BAZ2B: variants seen among roughly 807,000 people sequenced by gnomAD.
The protein encoded by BAZ2B is bromodomain adjacent to zinc finger domain protein 2B.
A neutral mutation model predicts 246.0 loss-of-function variants in BAZ2B; 91 were observed. The ratio of observed to expected loss-of-function variants is 0.37; its 90% CI spans 0.31 to 0.44. The LOEUF (loss-of-function observed/expected upper bound fraction) is 0.44. Ranked by LOEUF, BAZ2B falls within the 20% of genes least tolerant of loss-of-function variation. BAZ2B has a pLI of 1.00. For missense variants in BAZ2B, 2,332 were observed against 2,533.7 expected, an observed-to-expected ratio of 0.92 and a Z score of 1.71; for synonymous variants, 855 against 860.0, an observed-to-expected ratio of 0.99 and a Z score of 0.10.
the BAZ2B span, among the ~76,000 whole-genome samples, chr2:159,705,008 TTTTGG>T: frequency 7.0e-6 from 1 of 143,854 alleles, no homozygotes; most frequent in Non-Finnish European, 1.5e-5. Context: ...GTCTGGCCTT[TTTTGG>T]TTTGTTTTTT....
intron 1 of BAZ2B, among the ~76,000 whole-genome samples, chr2:159,601,446 G>C (rs1344109157): frequency 1.3e-5 from 2 of 151,590 alleles, no homozygotes; most frequent in African/African-American, 4.8e-5. Context: ...AAAAAGGCTG[G>C]GTGCGGTGGC....
intron 1 of BAZ2B, among the ~76,000 whole-genome samples, chr2:159,607,561 T>TGAAAGCAATGGAG (rs57234306): frequency 0.92 from 140,196 of 151,866 alleles, 65,215 homozygotes; most frequent in East Asian, 1. Flanking sequence ...CAGTCAATTT[T>TGAAAGCAATGGAG]GAAAGGAAGG....
chr2:159,593,197 C>T (rs1227940451), intron 1 of BAZ2B, among the ~76,000 whole-genome samples: 3 of 152,172 alleles, frequency 2.0e-5, no homozygotes, highest in Non-Finnish European at 4.4e-5. Context: ...AGAGTATGTC[C>T]AAAATCTATA....
chr2:159,593,535 G>A (rs1689888310), intron 1 of BAZ2B, among the ~76,000 whole-genome samples: 2 of 152,078 alleles, frequency 1.3e-5, no homozygotes, highest in Non-Finnish European at 2.9e-5. Flanking sequence ...CTTCAGTTAC[G>A]AGCAGTTGGC....
intron 30 of BAZ2B, among the ~76,000 whole-genome samples, 179 bp downstream of exon 30, chr2:159,348,499 A>G (rs559085751): frequency 3.3e-5 from 5 of 152,234 alleles, no homozygotes; most frequent in Admixed American, 6.5e-5. Flanking sequence ...AAAAGCCTGT[A>G]TATGTTCAGT....
the BAZ2B span, chr2:159,695,217 T>C: frequency 6.6e-6 from 1 of 152,226 alleles, no homozygotes; most frequent in Non-Finnish European, 1.5e-5. Flanking sequence ...TTTGTGTTTT[T>C]ATTGTTGAGT....
intron 18 of BAZ2B, 106 bp downstream of exon 18, chr2:159,398,723 C>T: frequency 1.0e-6 from 1 of 992,954 alleles, no homozygotes; most frequent in South Asian, 1.7e-5. Context: ...AACATATTTT[C>T]AGATAGTCAT....
intron 3 of BAZ2B, 69 bp from the exon 4 acceptor site, chr2:159,453,870 T>A: frequency 7.9e-7 from 1 of 1,262,074 alleles, no homozygotes; most frequent in South Asian, 2.6e-5. Flanking sequence ...GATTTCAGTG[T>A]TTATAGTTAA....
At chr2:159,679,823 A>G in the BAZ2B span, among the ~76,000 whole-genome samples, 12 of 152,198 alleles carry the variant, frequency 7.9e-5, no homozygotes, top group Non-Finnish European at 2.9e-5. Context: ...GGCCACCATT[A>G]CCTCTTTCTC....
intron 27 of BAZ2B, among the ~76,000 whole-genome samples, chr2:159,351,713 T>C (rs535324095): frequency 2.6e-5 from 4 of 152,348 alleles, no homozygotes; most frequent in Admixed American, 2.0e-4. Flanking sequence ...TATCTTTTCA[T>C]AGGTTTATTG....
At chr2:159,512,154 T>TA (rs547488796) in intron 2 of BAZ2B, among the ~76,000 whole-genome samples, 46 of 152,186 alleles carry the variant, frequency 3.0e-4, no homozygotes, top group Non-Finnish European at 5.9e-4. Context: ...ACCAGGTTTT[T>TA]AAAAAAACTG....
At chr2:159,371,098 G>A (rs548073774) in intron 27 of BAZ2B, among the ~76,000 whole-genome samples, 8 of 150,886 alleles carry the variant, frequency 5.3e-5, no homozygotes, top group Admixed American at 1.3e-4. Flanking sequence ...GTGAGACACC[G>A]CGCTCGGCCA....
chr2:159,419,779 C>T (rs1237100396), intron 13 of BAZ2B: 1 of 152,204 alleles, frequency 6.6e-6, no homozygotes, highest in Non-Finnish European at 1.5e-5. Flanking sequence ...AAAAATCCTA[C>T]CTGGTAGATT....
chr2:159,454,085 TG>T (rs1009259996), intron 3 of BAZ2B, among the ~76,000 whole-genome samples: 3 of 152,112 alleles, frequency 2.0e-5, no homozygotes, highest in Non-Finnish European at 4.4e-5. Flanking sequence ...TTGTCTGACC[TG>T]AGGAAGTGAG....
intron 2 of BAZ2B, among the ~76,000 whole-genome samples, chr2:159,497,680 T>C (rs933572420): frequency 7.9e-5 from 12 of 152,078 alleles, no homozygotes; most frequent in Admixed American, 2.0e-4. Context: ...AGTATACAAG[T>C]TTAAAAAAGT....
At chr2:159,702,933 G>C in the BAZ2B span, among the ~76,000 whole-genome samples, 2 of 151,750 alleles carry the variant, frequency 1.3e-5, no homozygotes, top group Non-Finnish European at 2.9e-5. Context: ...CCAGCTACTC[G>C]GGAGGGAGGC....
chr2:159,590,329 C>G (rs895661448), intron 1 of BAZ2B, among the ~76,000 whole-genome samples: 3 of 150,512 alleles, frequency 2.0e-5, no homozygotes, highest in African/African-American at 7.3e-5. Flanking sequence ...GTGGCTCACG[C>G]CTGTAATCCT....
At chr2:159,571,643 T>C (rs2151568264) in intron 1 of BAZ2B, among the ~76,000 whole-genome samples, 1 of 152,300 alleles carries the variant, frequency 6.6e-6, no homozygotes, top group Admixed American at 6.5e-5. Flanking sequence ...TTAGTCCCTA[T>C]TCTGCTGCTA....
chr2:159,652,322 G>T, the BAZ2B span, among the ~76,000 whole-genome samples: 3 of 151,264 alleles, frequency 2.0e-5, no homozygotes, highest in African/African-American at 7.3e-5. Flanking sequence ...TGATTCTCCT[G>T]CCTCACCCTC....
Sources: gnomAD v4.1 joint callset for allele counts (sites outside exome capture counted in the v4.1 genomes callset) on GRCh38, gnomAD v4.1.1 for gene constraint, MANE v1.5 for transcripts, NCBI Gene and HGNC (gene_info 2026-07-23, HGNC 2026-07-21) for gene names.